BAZ2B: variants seen among roughly 807,000 people sequenced by gnomAD.
BAZ2B encodes the protein bromodomain adjacent to zinc finger domain protein 2B.
Under a neutral mutation model 246.0 loss-of-function variants are expected in BAZ2B, and 91 were observed. The ratio of observed to expected loss-of-function variants is 0.37; its 90% CI spans 0.31 to 0.44. BAZ2B has a LOEUF of 0.44. Among genes scored for constraint, BAZ2B ranks in the 20% least tolerant of loss-of-function variants. The pLI is 1.00. For synonymous variants in BAZ2B, 855 were observed against 860.0 expected (o/e 0.99, Z 0.10); for missense variants, 2,332 against 2,533.7 (o/e 0.92, Z 1.71).
intron 2 of BAZ2B, among the ~76,000 whole-genome samples, chr2:159,540,540 C>T (rs1228575779): frequency 1.3e-5 from 2 of 152,176 alleles, no homozygotes; most frequent in African/African-American, 2.4e-5. Context: ...AGCAAGTATG[C>T]ACTGAGGATG....
intron 1 of BAZ2B, among the ~76,000 whole-genome samples, chr2:159,588,914 C>G (rs147470556): frequency 1.3e-5 from 2 of 152,184 alleles, no homozygotes; most frequent in African/African-American, 4.8e-5. Flanking sequence ...GCCACTCTAC[C>G]TTAGGGAGAT....
intron 16 of BAZ2B, chr2:159,404,330 A>G (rs1419048493): frequency 6.6e-6 from 1 of 151,966 alleles, no homozygotes; most frequent in Non-Finnish European, 1.5e-5. Context: ...TTGTAGATAC[A>G]AGACAGAGAA....
intron 2 of BAZ2B, among the ~76,000 whole-genome samples, chr2:159,488,976 C>A (rs531710870): frequency 6.6e-6 from 1 of 152,170 alleles, no homozygotes; most frequent in Admixed American, 6.5e-5. Flanking sequence ...TAAAAAGCCA[C>A]ATGTATTTTG....
the BAZ2B span, among the ~76,000 whole-genome samples, chr2:159,643,078 A>G: frequency 3.3e-5 from 5 of 152,220 alleles, no homozygotes; most frequent in African/African-American, 1.2e-4. Context: ...CATTTTTTCT[A>G]TAACTCCATT....
At chr2:159,669,659 C>T in the BAZ2B span, among the ~76,000 whole-genome samples, 2 of 152,132 alleles carry the variant, frequency 1.3e-5, no homozygotes, top group Non-Finnish European at 2.9e-5. Flanking sequence ...TCTGATAATA[C>T]CCTCAGTCTT....
chr2:159,626,357 A>C, the BAZ2B span, among the ~76,000 whole-genome samples: 1 of 152,172 alleles, frequency 6.6e-6, no homozygotes, highest in Admixed American at 6.5e-5. Flanking sequence ...CTCCACCCCA[A>C]ATCAACAGAA....
At chr2:159,329,534 T>C (rs947777339) in intron 34 of BAZ2B, among the ~76,000 whole-genome samples, 2 of 152,070 alleles carry the variant, frequency 1.3e-5, no homozygotes, top group African/African-American at 4.8e-5. Flanking sequence ...TATACATACA[T>C]ACACACACAC....
rs377196822 is a variant in BAZ2B, at chr2:159,349,234, G to T, written c.4910C>A (p.Pro1637His). The T allele has an allele frequency of 2.5e-6, 4 of 1,613,078 alleles. No individual in the cohort carries two copies. The African/African-American group carries it at 5.3e-5, about 22-fold the overall frequency. Residue 1637 changes from proline to histidine, a missense_variant, in exon 29 of 37, where the codon CCC becomes CAC. This residue lies in a region of BAZ2B where 676 missense variants were observed against 668.6 expected (regional missense o/e 1.01). Coordinates refer to ENST00000392783, the MANE Select transcript of BAZ2B (RefSeq NM_013450.4). Reference sequence around the variant, plus strand: ...AATATTAGAAGTAACCACACCAGTGGGCCATCCACAAAACTGAAGTCCCAT... The same window carrying T: ...AATATTAGAAGTAACCACACCAGTGTGCCATCCACAAAACTGAAGTCCCAT... ...SMMGLQFCGW[P>H]TGVVTSNIPF...
intron 24 of BAZ2B, among the ~76,000 whole-genome samples, chr2:159,383,063 G>T (rs1248160310): frequency 6.6e-6 from 1 of 151,876 alleles, no homozygotes; most frequent in Non-Finnish European, 1.5e-5. Flanking sequence ...TTGAAAAGAA[G>T]AATTCTAACA....
chr2:159,687,718 A>C, the BAZ2B span, among the ~76,000 whole-genome samples: 6 of 152,330 alleles, frequency 3.9e-5, no homozygotes, highest in East Asian at 1.2e-3. Context: ...GTTGAACATG[A>C]GGCAGAGGTT....
chr2:159,507,167 A>G (rs1458344198), intron 2 of BAZ2B, among the ~76,000 whole-genome samples: 2 of 152,178 alleles, frequency 1.3e-5, no homozygotes, highest in African/African-American at 4.8e-5. Flanking sequence ...CGTCAAAGAG[A>G]GATTAGGTGG....
chr2:159,471,178 G>C (rs2077741395), intron 3 of BAZ2B, among the ~76,000 whole-genome samples: 2 of 152,192 alleles, frequency 1.3e-5, no homozygotes, highest in African/African-American at 4.8e-5. Flanking sequence ...CTAGAAAGAT[G>C]ACACTGCTGT....
At chr2:159,657,047 TA>T in the BAZ2B span, among the ~76,000 whole-genome samples, 1 of 152,184 alleles carries the variant, frequency 6.6e-6, no homozygotes, top group African/African-American at 2.4e-5. Flanking sequence ...GTATTGTATC[TA>T]AAAATTCCCT....
chr2:159,352,019 A>T (rs914392434), intron 27 of BAZ2B, among the ~76,000 whole-genome samples: 1 of 152,216 alleles, frequency 6.6e-6, no homozygotes, highest in Non-Finnish European at 1.5e-5. Flanking sequence ...TAAATGGAAT[A>T]CTACTATTCA....
chr2:159,619,208 T>C (rs555032492), upstream of BAZ2B, among the ~76,000 whole-genome samples: 1 of 152,024 alleles, frequency 6.6e-6, no homozygotes, highest in African/African-American at 2.4e-5. Context: ...TAAGAATATG[T>C]ATATGCAATT....
intron 27 of BAZ2B, among the ~76,000 whole-genome samples, chr2:159,351,139 TTAATA>T (rs2058518080): frequency 6.6e-6 from 1 of 152,184 alleles, no homozygotes; most frequent in African/African-American, 2.4e-5. Flanking sequence ...AAAATTACCC[TTAATA>T]TTTTTGTATT....
chr2:159,357,896 C>T (rs182235888), intron 27 of BAZ2B, among the ~76,000 whole-genome samples: 46 of 152,274 alleles, frequency 3.0e-4, no homozygotes, highest in African/African-American at 1.1e-3. Flanking sequence ...AATAAAATCC[C>T]TTACAGACAG....
rs186223740 is a variant in BAZ2B at position 159,370,129 on chromosome 2, T to G, written c.4213+2916A>C. The stretch of plus-strand genomic sequence containing the variant: ...GGTGGGAATTGAACAATGAGAACAC[T>G]TGGACACAGGAAGGGGAACATCACA... On this transcript the variant is annotated intron_variant, in intron 27 of 36. Coordinates refer to ENST00000392783, the MANE Select transcript of BAZ2B (RefSeq NM_013450.4). Among the ~76,000 whole-genome samples, 27 of 152,008 alleles carry G rather than the reference T, an allele frequency of 1.8e-4. 1 individual carries two copies. Among genetic ancestry groups the G allele is most frequent in the Admixed American group, 1.6e-3 (25 of 15,270 alleles).
At chr2:159,543,066 T>C (rs1217868124) in intron 2 of BAZ2B, among the ~76,000 whole-genome samples, 1 of 152,156 alleles carries the variant, frequency 6.6e-6, no homozygotes, top group Non-Finnish European at 1.5e-5. Flanking sequence ...CCTCACAAAG[T>C]TGTTCGGAGG....
Sources: allele counts gnomAD v4.1 joint callset (sites outside exome capture counted in the v4.1 genomes callset), GRCh38; gene constraint gnomAD v4.1.1; regional missense constraint gnomAD v4.1.1; transcripts MANE v1.5; gene names NCBI Gene and HGNC (gene_info 2026-07-23, HGNC 2026-07-21).